TP53BP1: variants seen among roughly 807,000 people sequenced by gnomAD.
TP53BP1 encodes the protein tumor protein p53 binding protein 1.
A neutral mutation model predicts 200.8 loss-of-function variants in TP53BP1; 61 were observed. That is an observed-to-expected ratio of 0.30 (90% CI 0.25 to 0.38). The LOEUF is 0.38. TP53BP1 is among the 10% of genes least tolerant of loss of function. The probability of loss-of-function intolerance (pLI) is 1.00; values close to 1 mark genes in which losing one functional copy is unlikely to be tolerated. For missense variants in TP53BP1, 2,144 were observed against 2,371.9 expected, an observed-to-expected ratio of 0.90 and a Z score of 2.00; for synonymous variants, 822 against 844.3, an observed-to-expected ratio of 0.97 and a Z score of 0.46.
At position 43,404,228 on chromosome 15, in the gene TP53BP1, C is replaced by A; in HGVS notation, c.*3155G>T. ...ATGAAAGAGTACTTTCATAGGAAGTCATGCATGTATGGATTTGGTACAAGT... is the reference window on the plus strand; with the variant it reads ...ATGAAAGAGTACTTTCATAGGAAGTAATGCATGTATGGATTTGGTACAAGT... On this transcript the variant is annotated 3_prime_UTR_variant, in exon 28 of 28. Transcript: ENST00000382044. 1.6e-6 allele frequency: 1 copy of A among 618,716 alleles called. No homozygotes were observed. The highest frequency in any genetic ancestry group is 2.8e-6 in the Non-Finnish European group (1 of 363,524). 38.3% of individuals were successfully genotyped at this position (618,716 alleles called of 1,614,324 possible). A position where few individuals can be genotyped will look rare whatever the true frequency, so the allele number is the denominator to read the frequency against.
chr15:43,404,306 G>C lies in TP53BP1; in HGVS notation c.*3077C>G. The C allele has an allele frequency of 7.0e-7, 1 of 1,422,326 alleles. No homozygotes were observed. The highest frequency in any genetic ancestry group is 9.5e-7 in the Non-Finnish European group (1 of 1,051,392). 88.1% of individuals were successfully genotyped at this position (1,422,326 alleles called of 1,614,324 possible). On this transcript the variant is annotated 3_prime_UTR_variant, in exon 28 of 28. Transcript: ENST00000382044. ...TGTGGGAAGGCCAGGTGGTTCTGTAGAATTTTGAACAAGGCTTTTCCAAGA... is the reference window on the plus strand; with the variant it reads ...TGTGGGAAGGCCAGGTGGTTCTGTACAATTTTGAACAAGGCTTTTCCAAGA...
chr15:43,414,177 G>A (rs562890780), intron 23 of TP53BP1: 1 of 456,712 alleles, frequency 2.2e-6, no homozygotes, highest in African/African-American at 2.0e-5. Flanking sequence ...ATATGAACGA[G>A]GCTGGAATTA....
In TP53BP1 at chr15:43,405,130, C is replaced by T; in HGVS notation, c.*2253G>A. On this transcript the variant is annotated 3_prime_UTR_variant, in exon 28 of 28. Transcript: ENST00000382044. ...GACATTATTTAGATCACAGGTTATC[C>T]TGATTCATATTTCTTTGAAGGTAGT... The T allele has an allele frequency of 6.5e-7, 1 of 1,541,122 alleles. No homozygotes were observed. The highest frequency in any genetic ancestry group is 9.0e-7 in the Non-Finnish European group (1 of 1,114,754).
chr15:43,427,108 G>C (rs2045558254), intron 18 of TP53BP1, among the ~76,000 whole-genome samples: 1 of 151,282 alleles, frequency 6.6e-6, no homozygotes, highest in Non-Finnish European at 1.5e-5. Context: ...AAAGGTCCCA[G>C]ATCTTTAATT....
In TP53BP1 at chr15:43,403,751, A is replaced by C. The variant is rs758797373; in HGVS notation, c.*3632T>G. 39 of 1,613,876 alleles carry C rather than the reference A, an allele frequency of 2.4e-5. No homozygotes were observed. The highest frequency in any genetic ancestry group is 3.1e-5 in the Non-Finnish European group (37 of 1,180,002). ...TTTGTTCGCTGGTCAGTCAGAACCT[A>C]GGCCCACTGGATGAGCGTGGAGCCG... is the stretch of plus-strand genomic sequence containing the variant. On this transcript the variant is annotated 3_prime_UTR_variant, in exon 28 of 28. Coordinates refer to ENST00000382044, the MANE Select transcript of TP53BP1 (RefSeq NM_001141980.3).
chr15:43,454,302 A>C (rs149488530), intron 12 of TP53BP1, among the ~76,000 whole-genome samples: 1 of 152,254 alleles, frequency 6.6e-6, no homozygotes, highest in Non-Finnish European at 1.5e-5. Context: ...TCATCCTAAA[A>C]ACTTGTTTTC....
At chr15:43,459,648 T>C (rs962680614) in intron 11 of TP53BP1, among the ~76,000 whole-genome samples, 4 of 151,910 alleles carry the variant, frequency 2.6e-5, no homozygotes, top group African/African-American at 4.8e-5. Context: ...CTGATTCCAA[T>C]TGCATGAAAT....
At chr15:43,428,903 T>C (rs1357494978) in intron 17 of TP53BP1, among the ~76,000 whole-genome samples, 3 of 152,182 alleles carry the variant, frequency 2.0e-5, no homozygotes, top group African/African-American at 7.2e-5. Flanking sequence ...TCAAAAAACA[T>C]TAAGCAAATA....
At position 43,469,874 on chromosome 15, in the gene TP53BP1, T is replaced by C; in HGVS notation, c.1373A>G (p.Gln458Arg). The C allele has an allele frequency of 1.2e-6, 2 of 1,613,544 alleles. No individual in the cohort carries two copies. Among genetic ancestry groups the C allele is most frequent in the Non-Finnish European group, 8.5e-7 (1 of 1,179,726 alleles). The change falls in exon 11 of 28, where the codon CAG (glutamine) becomes CGG (arginine). Residue 458 changes from glutamine (Q) to arginine (R), a missense_variant. This residue lies in a region of TP53BP1 where 1,700 missense variants were observed against 1,710.3 expected (regional missense o/e 0.99). Transcript: ENST00000382044. Reference protein sequence around the residue: ...FPPGSLPIPSQPQFSHDIFIP... With the variant: ...FPPGSLPIPSRPQFSHDIFIP... ...AATACTCACATGAGAAAACTGAGGC[T>C]GGGATGGGATAGGAAGTGACCCAGG... is the stretch of plus-strand genomic sequence containing the variant.
chr15:43,414,571 A>G (rs577755607), intron 23 of TP53BP1, among the ~76,000 whole-genome samples: 2 of 152,342 alleles, frequency 1.3e-5, no homozygotes, highest in African/African-American at 2.4e-5. Flanking sequence ...TCCTGAACCC[A>G]TAGCAGCTGG....
intron 12 of TP53BP1, 92 bp downstream of exon 12, chr15:43,455,800 T>C (rs2046279169): frequency 2.1e-6 from 3 of 1,422,964 alleles, no homozygotes; most frequent in Admixed American, 2.4e-5. Flanking sequence ...AAAGATAGTG[T>C]TCACTCCTGA....
At chr15:43,417,867 T>A (rs1159465885) in intron 21 of TP53BP1, among the ~76,000 whole-genome samples, 1 of 152,260 alleles carries the variant, frequency 6.6e-6, no homozygotes, top group African/African-American at 2.4e-5. Context: ...AAGAGAAGCC[T>A]GGATGGACTC....
intron 26 of TP53BP1, chr15:43,408,615 C>T: frequency 2.4e-6 from 1 of 414,622 alleles, no homozygotes; most frequent in Non-Finnish European, 4.5e-6. Context: ...TGCTCCTGAG[C>T]CTATATATTT....
At chr15:43,493,281 C>T (rs1285993117), upstream of TP53BP1, 1 of 1,359,712 alleles carries the variant, frequency 7.4e-7, no homozygotes. Context: ...GAAAAAGGAA[C>T]ACGGCGGCGC....
chr15:43,500,103 C>T (rs1421967663), intron 1 of TP53BP1, among the ~76,000 whole-genome samples: 1 of 152,172 alleles, frequency 6.6e-6, no homozygotes, highest in Non-Finnish European at 1.5e-5. Flanking sequence ...TGACCCACAC[C>T]TCTCTCCCAA....
At position 43,416,413 on chromosome 15, in the gene TP53BP1, ACTC is replaced by A; in HGVS notation, c.4682_4684del (p.Gly1561del). ...AGACTCCTTCCTATGTCCTTTCACC[ACTC>A]CTGGGGGGTGGAAAGCATAAAAGAA... On this transcript the variant is annotated inframe_deletion and splice_region_variant, in exon 22 of 28. Coordinates refer to ENST00000382044, the MANE Select transcript of TP53BP1 (RefSeq NM_001141980.3). The A allele has an allele frequency of 6.2e-7, 1 of 1,612,468 alleles. No homozygotes were observed. The highest frequency in any genetic ancestry group is 8.5e-7 in the Non-Finnish European group (1 of 1,179,340).
intron 8 of TP53BP1, among the ~76,000 whole-genome samples, chr15:43,476,709 G>A (rs537428617): frequency 2.6e-5 from 4 of 152,292 alleles, no homozygotes; most frequent in South Asian, 2.1e-4. Context: ...TCACAGCATA[G>A]CAAAGGAAGA....
chr15:43,428,120 G>A lies in TP53BP1; in HGVS notation c.3724C>T (p.His1242Tyr). The change falls in exon 18 of 28, where the codon CAT becomes TAT. Residue 1242 changes from histidine to tyrosine, a missense_variant. By Grantham distance (83) the His-to-Tyr change is moderately conservative (BLOSUM62 2). This residue lies in a region of TP53BP1 where 1,700 missense variants were observed against 1,710.3 expected (regional missense o/e 0.99). Transcript: ENST00000382044. ...MPQPPHGHVL[H>Y]RHMRTIREVR... Reference sequence around the variant, plus strand: ...TCCCGGATTGTTCTCATGTGACGATGTAAGACATGGCCATGTGGAGGCTGA... The same window carrying A: ...TCCCGGATTGTTCTCATGTGACGATATAAGACATGGCCATGTGGAGGCTGA... 1 of 1,613,752 alleles carries A rather than the reference G, an allele frequency of 6.2e-7. No homozygotes were observed. Among genetic ancestry groups the A allele is most frequent in the Admixed American group, 1.7e-5 (1 of 60,020 alleles).
intron 21 of TP53BP1, among the ~76,000 whole-genome samples, chr15:43,419,776 G>C (rs1177456883): frequency 1.3e-5 from 2 of 151,908 alleles, no homozygotes; most frequent in African/African-American, 4.8e-5. Flanking sequence ...CAAAATACCT[G>C]ACCAGGACTC....
Sources: gnomAD v4.1 joint callset for allele counts (sites outside exome capture counted in the v4.1 genomes callset) on GRCh38, gnomAD v4.1.1 for gene constraint, gnomAD v4.1.1 regional missense constraint, MANE v1.5 for transcripts, NCBI Gene and HGNC (gene_info 2026-07-23, HGNC 2026-07-21) for gene names.